Variants in ACY1 observed in about 807,000 individuals in gnomAD.
ACY1 encodes the protein aminoacylase 1, also known as aminoacylase-1.
ACY1 carries 38 observed loss-of-function variants against 53.3 expected under a neutral mutation model. That is an observed-to-expected ratio of 0.71 (90% CI 0.55 to 0.93). The LOEUF is 0.93. ACY1 is among the 40% of genes least tolerant of loss of function. The probability of loss-of-function intolerance (pLI) is 0.00; values close to 1 mark genes in which losing one functional copy is unlikely to be tolerated. For synonymous variants in ACY1, 177 were observed against 202.1 expected (o/e 0.88, Z 1.05); for missense variants, 484 against 540.9 (o/e 0.89, Z 1.04).
chr3:51,985,036 G>A (rs1701007251), intron 2 of ACY1, 171 bp from the exon 3 acceptor site: 2 of 741,568 alleles, frequency 2.7e-6, no homozygotes, highest in Non-Finnish European at 4.7e-6. Context: ...TCACTGAGTA[G>A]CCAAAAATAT....
rs559200011 is a variant in ACY1, at chr3:51,984,312, T to C, written c.94+154T>C. On this transcript the variant is annotated intron_variant, in intron 2 of 14. Coordinates refer to ENST00000636358, the MANE Select transcript of ACY1 (RefSeq NM_000666.3). ...CCAGCCATTCCCCAAGTAAATAGAC[T>C]GAGGCAGCCCCTCCAGGTTAGGGAG... 71 of 720,004 alleles carry C rather than the reference T, an allele frequency of 9.9e-5. No individual in the cohort carries two copies. In the African/African-American group the frequency reaches 1.1e-3, roughly 11 times the overall value. The allele number at this position is 720,004 out of a possible 1,614,324, so 44.6% of individuals were successfully genotyped here.
Position 51,988,912 on chromosome 3 carries a change from T to TG in ACY1, c.1069dup (p.Val357GlyfsTer21). 1 of 1,614,172 alleles carries TG rather than the reference T, an allele frequency of 6.2e-7. No individual in the cohort carries two copies. ...AACGGCTCTTCCTCACCCCTGCAGG[T>TG]GGGGGTCCCAGCTCTAGGCTTCTCA... On this transcript the variant is annotated frameshift_variant and splice_region_variant, in exon 15 of 15. Coordinates refer to ENST00000636358, the MANE Select transcript of ACY1 (RefSeq NM_000666.3). LOFTEE classifies it high-confidence loss of function.
At position 51,985,353 on chromosome 3, in the gene ACY1, ATC is replaced by A. The variant is rs1701019939; in HGVS notation, c.160-5_160-4del. 1 of 1,614,164 alleles carries A rather than the reference ATC, an allele frequency of 6.2e-7. No individual in the cohort carries two copies. Among genetic ancestry groups the A allele is most frequent in the African/African-American group, 1.3e-5 (1 of 75,042 alleles). ...GCTCAGACCACCTACCCTCCTGACC[ATC>A]TCCAGGTGGCACCTGGCTATGTGGT... On this transcript the variant is annotated splice_polypyrimidine_tract_variant and splice_region_variant and intron_variant, in intron 3 of 14. Coordinates refer to ENST00000636358, the MANE Select transcript of ACY1 (RefSeq NM_000666.3).
chr3:51,987,522 A>G (rs776913493), intron 11 of ACY1, 34 bp from the exon 12 acceptor site: 6 of 1,613,918 alleles, frequency 3.7e-6, no homozygotes, highest in Non-Finnish European at 5.1e-6. Context: ...GCCTCTGGAA[A>G]GCCTGAAGGA....
intron 12 of ACY1, 36 bp from the exon 13 acceptor site, chr3:51,988,488 C>T (rs778293174): frequency 6.3e-7 from 1 of 1,589,588 alleles, no homozygotes; most frequent in Admixed American, 1.7e-5. Context: ...ATGCCCAGGC[C>T]CATGTCCTGA....
rs760355706 is a variant in ACY1 at position 51,987,035 on chromosome 3, A to G, written c.631A>G (p.Met211Val). ...TGRPGHASRF[M>V]EDTAAEKLHK... The stretch of plus-strand genomic sequence containing the variant: ...GAGGCCAGGCCATGCCTCACGCTTC[A>G]TGGAGGACACAGCAGCAGAGAAGCT... Residue 211 changes from methionine (M) to valine (V), a missense_variant, in exon 9 of 15, where the codon ATG becomes GTG. Physicochemically the swap from Met to Val is conservative, Grantham distance 21. Coordinates refer to ENST00000636358, the MANE Select transcript of ACY1 (RefSeq NM_000666.3). 1.2e-6 allele frequency: 2 copies of G among 1,613,544 alleles called. No individual in the cohort carries two copies. The highest frequency in any genetic ancestry group is 1.1e-5 in the South Asian group (1 of 91,064).
At chr3:51,987,772 G>A in intron 12 of ACY1, 148 bp downstream of exon 12, 1 of 882,578 alleles carries the variant, frequency 1.1e-6, no homozygotes. Context: ...AGCATTCATT[G>A]TAGAGGCCAC....
intron 5 of ACY1, 48 bp from the exon 6 acceptor site, chr3:51,986,207 G>T: frequency 6.3e-7 from 1 of 1,596,502 alleles, no homozygotes; most frequent in Non-Finnish European, 8.6e-7. Flanking sequence ...TGTGGGGCCA[G>T]CCTGCGCATC....
At chr3:51,986,746 C>A in intron 8 of ACY1, 85 bp downstream of exon 8, 1 of 1,546,588 alleles carries the variant, frequency 6.5e-7, no homozygotes, top group South Asian at 1.1e-5. Flanking sequence ...GGTTGCACAG[C>A]AAAGTTGAGG....
intron 2 of ACY1, chr3:51,984,390 G>A: frequency 1.7e-6 from 1 of 595,418 alleles, no homozygotes; most frequent in Non-Finnish European, 3.0e-6. Context: ...CTGGCAGCTG[G>A]TTAAAGAAAA....
At chr3:51,988,630 C>T (rs1297696454) in intron 13 of ACY1, 27 bp downstream of exon 13, 5 of 1,612,648 alleles carry the variant, frequency 3.1e-6, no homozygotes, top group East Asian at 2.2e-5. Flanking sequence ...GCTCTCCTCA[C>T]AGCCCAGCCC....
rs761533944 is a variant in ACY1, at chr3:51,988,889, C to T, written c.1063-22C>T. On this transcript the variant is annotated intron_variant, in intron 14 of 14. Transcript: ENST00000636358. ...GGCCTGAGTGCTGGCTTTTCCCTAA[C>T]GGCTCTTCCTCACCCCTGCAGGTGG... 2.3e-5 allele frequency: 37 copies of T among 1,614,086 alleles called. 1 individual carries two copies. Among genetic ancestry groups the T allele is most frequent in the African/African-American group, 1.2e-4 (9 of 74,930 alleles).
Position 51,984,118 on chromosome 3 carries a change from G to C in ACY1, c.54G>C (p.Gln18His), listed in dbSNP as rs142265942. The C allele has an allele frequency of 1.2e-6, 2 of 1,613,842 alleles. No individual in the cohort carries two copies. The highest frequency in any genetic ancestry group is 1.3e-5 in the African/African-American group (1 of 74,952). ...ACCCATCGGTGACGCTCTTCCGCCA[G>C]TACCTGCGTATCCGCACTGTCCAGC... is the stretch of plus-strand genomic sequence containing the variant. Reference protein sequence around the residue: ...EEHPSVTLFRQYLRIRTVQPK... With the variant: ...EEHPSVTLFRHYLRIRTVQPK... The change falls in exon 2 of 15, where the codon CAG becomes CAC. Residue 18 changes from glutamine to histidine, a missense_variant. Transcript: ENST00000636358.
Position 51,986,459 on chromosome 3 carries a change from C to T in ACY1, c.481C>T (p.Arg161Trp), listed in dbSNP as rs775409508. Reference sequence around the variant, plus strand: ...CCAAGGCATGGAGCTGTTCGTGCAGCGGCCTGAGTTCCACGCCCTGAGGGC... The same window carrying T: ...CCAAGGCATGGAGCTGTTCGTGCAGTGGCCTGAGTTCCACGCCCTGAGGGC... Reference protein sequence around the residue: ...GHQGMELFVQRPEFHALRAGF... With the variant: ...GHQGMELFVQWPEFHALRAGF... Residue 161 changes from arginine to tryptophan, a missense_variant, in exon 7 of 15, where the codon CGG (arginine) becomes TGG (tryptophan). Physicochemically the swap from Arg to Trp is moderately radical, Grantham distance 101. Coordinates refer to ENST00000636358, the MANE Select transcript of ACY1 (RefSeq NM_000666.3). The T allele has an allele frequency of 5.6e-6, 9 of 1,613,612 alleles. No individual in the cohort carries two copies. Among genetic ancestry groups the T allele is most frequent in the East Asian group, 2.2e-5 (1 of 44,868 alleles).
chr3:51,986,313 C>T lies in ACY1; in HGVS notation c.418C>T (p.His140Tyr). 6.2e-7 allele frequency: 1 copy of T among 1,607,302 alleles called. No individual in the cohort carries two copies. Among genetic ancestry groups the T allele is most frequent in the Non-Finnish European group, 8.5e-7 (1 of 1,176,288 alleles). ...GGGCCACCGGTTCCCCAGAACCATC[C>T]ACATGACCTTTGTGCCTGGTAGGAG... ...VEGHRFPRTI[H>Y]MTFVPDEEVG... Residue 140 changes from histidine (H) to tyrosine (Y), a missense_variant, in exon 6 of 15, where the codon CAC (histidine) becomes TAC (tyrosine). Physicochemically the swap from His to Tyr is moderately conservative, Grantham distance 83 (BLOSUM62 2). Coordinates refer to ENST00000636358, the MANE Select transcript of ACY1 (RefSeq NM_000666.3).
At position 51,984,174 on chromosome 3, in the gene ACY1, T is replaced by C. The variant is rs558367184; in HGVS notation, c.94+16T>C. On this transcript the variant is annotated intron_variant, in intron 2 of 14. Coordinates refer to ENST00000636358, the MANE Select transcript of ACY1 (RefSeq NM_000666.3). ...CCTGACTATGGTGAGAAGACGGTGG[T>C]TCCAGAGCCTGTGACGGGGCCTAAG... 2 of 1,612,416 alleles carry C rather than the reference T, an allele frequency of 1.2e-6. No individual in the cohort carries two copies. The highest frequency in any genetic ancestry group is 2.2e-5 in the South Asian group (2 of 91,032).
rs371948749 is a variant in ACY1 at position 51,987,237 on chromosome 3, G to A, written c.707+41G>A. On this transcript the variant is annotated intron_variant, in intron 10 of 14. Transcript: ENST00000636358. Reference sequence around the variant, plus strand: ...AGGCAGTGGGGTGGCTCTGGGAGGCGGTACCACAGAGGATAGAGTCTGAGC... The same window carrying A: ...AGGCAGTGGGGTGGCTCTGGGAGGCAGTACCACAGAGGATAGAGTCTGAGC... The A allele has an allele frequency of 7.4e-4, 1,188 of 1,614,038 alleles. 17 individuals carry two copies. The South Asian group carries it at 0.012, about 16-fold the overall frequency.
In ACY1 at chr3:51,987,642, G is replaced by A. The variant is rs763087650; in HGVS notation, c.921+18G>A. 31 of 1,612,564 alleles carry A rather than the reference G, an allele frequency of 1.9e-5. No homozygotes were observed. In the South Asian group the frequency reaches 3.2e-4, roughly 17 times the overall value. Reference sequence around the variant, plus strand: ...TTGCTCAGGTATGGACTTGGGACATGTGATGGGAGAGTGTGGGAGCCGGGG... The same window carrying A: ...TTGCTCAGGTATGGACTTGGGACATATGATGGGAGAGTGTGGGAGCCGGGG... On this transcript the variant is annotated intron_variant, in intron 12 of 14. Coordinates refer to ENST00000636358, the MANE Select transcript of ACY1 (RefSeq NM_000666.3).
chr3:51,983,639 G>A (rs529679219), intron 1 of ACY1, 50 bp downstream of exon 1: 2 of 273,096 alleles, frequency 7.3e-6, no homozygotes, highest in East Asian at 2.0e-4. Flanking sequence ...TGGCTTGAAA[G>A]CCGGGCAACT....
Sources: allele counts gnomAD v4.1 joint callset, GRCh38; gene constraint gnomAD v4.1.1; transcripts MANE v1.5; gene names NCBI Gene and HGNC (gene_info 2026-07-23, HGNC 2026-07-21).